Variants in ARHGEF11 observed in about 807,000 individuals in gnomAD.
The protein encoded by ARHGEF11 is Rho guanine nucleotide exchange factor 11.
ARHGEF11 carries 55 observed loss-of-function variants against 193.7 expected under a neutral mutation model. The ratio of observed to expected loss-of-function variants is 0.28; its 90% confidence interval spans 0.23 to 0.36. The LOEUF is 0.36. Among genes scored for constraint, ARHGEF11 ranks in the 10% least tolerant of loss-of-function variants. ARHGEF11 has a pLI of 1.00. For missense variants in ARHGEF11, 1,723 were observed against 2,005.6 expected (o/e 0.86, Z 2.69); for synonymous variants, 693 against 768.0 (o/e 0.90, Z 1.62).
intron 1 of ARHGEF11, among the ~76,000 whole-genome samples, chr1:156,996,615 T>A (rs537291308): frequency 6.6e-6 from 1 of 151,194 alleles, no homozygotes; most frequent in South Asian, 2.1e-4. Flanking sequence ...CTACTAAAAA[T>A]ACAAAAAATT....
intron 1 of ARHGEF11, among the ~76,000 whole-genome samples, chr1:156,994,620 T>G (rs996706290): frequency 4.6e-5 from 7 of 152,150 alleles, no homozygotes; most frequent in African/African-American, 1.7e-4. Flanking sequence ...GACAGGTGTG[T>G]GTGGAGAAGG....
intron 1 of ARHGEF11, among the ~76,000 whole-genome samples, chr1:157,017,557 A>G (rs971962122): frequency 2.0e-5 from 3 of 151,952 alleles, no homozygotes; most frequent in African/African-American, 7.3e-5. Flanking sequence ...AATACAAAAA[A>G]TTAGCCGGAC....
intron 1 of ARHGEF11, among the ~76,000 whole-genome samples, chr1:157,005,427 T>A (rs1297235998): frequency 6.6e-6 from 1 of 152,132 alleles, no homozygotes; most frequent in African/African-American, 2.4e-5. Context: ...AAATAGGAAG[T>A]GGACTTCAAC....
Position 156,947,854 on chromosome 1 carries a change from A to ATCTGGC in ARHGEF11, c.2250_2255dup (p.Glu750_Pro751dup). ...CCACTGTATGCTGCCAATTTTGGGC[A>ATCTGGC]TCTGGCTCTGGCTCCAGGTCAGACA... is the stretch of plus-strand genomic sequence containing the variant. On this transcript the variant is annotated inframe_insertion, in exon 25 of 41. Transcript: ENST00000368194. The ATCTGGC allele has an allele frequency of 1.2e-6, 2 of 1,614,134 alleles. No homozygotes were observed. Among genetic ancestry groups the ATCTGGC allele is most frequent in the South Asian group, 1.1e-5 (1 of 91,078 alleles).
Position 157,041,934 on chromosome 1 carries a change from A to G in ARHGEF11, c.32+2365T>C, listed in dbSNP as rs113699528. On this transcript the variant is annotated intron_variant, in intron 1 of 40. Transcript: ENST00000368194. ...CTTACACTAGGCTCTCTACACAGCA[A>G]ACTGATAAACTGAAAGAATACTAGA... Among the ~76,000 whole-genome samples the G allele has an allele frequency of 4.4e-3, 671 of 152,326 alleles. 4 individuals are homozygous for G. Among genetic ancestry groups the G allele is most frequent in the African/African-American group, 0.014 (591 of 41,556 alleles).
rs111847733 is a variant in ARHGEF11, at chr1:156,978,421, G to A, written c.332-39C>T. The A allele has an allele frequency of 1.5e-4, 238 of 1,543,298 alleles. No homozygotes were observed. In the Middle Eastern group the frequency reaches 1.7e-3, roughly 11 times the overall value. The stretch of plus-strand genomic sequence containing the variant: ...GAGAGAGACTTGTTCCAGGAGTGCT[G>A]TTCTGGAGAGACAGTCCAGCTATAC... On this transcript the variant is annotated intron_variant, in intron 5 of 40. Transcript: ENST00000368194.
Position 156,936,969 on chromosome 1 carries a change from G to C in ARHGEF11, c.4477C>G (p.Leu1493Val). 1 of 1,614,150 alleles carries C rather than the reference G, an allele frequency of 6.2e-7. No homozygotes were observed. Among genetic ancestry groups the C allele is most frequent in the Non-Finnish European group, 8.5e-7 (1 of 1,179,998 alleles). ...ELAHRELLKS[L>V]GGESSGGTTP... is the part of the protein sequence containing the mutation. ...GTGCCACCAGATGACTCTCCCCCAAGGGACTTGAGCAGCTCTCTGTGGGCC... is the reference window on the plus strand; with the variant it reads ...GTGCCACCAGATGACTCTCCCCCAACGGACTTGAGCAGCTCTCTGTGGGCC... Residue 1493 changes from leucine to valine, a missense_variant, in exon 40 of 41, where the codon CTT becomes GTT. Physicochemically the swap from Leu to Val is conservative, Grantham distance 32. Transcript: ENST00000368194.
At chr1:156,938,693 C>T in intron 37 of ARHGEF11, 180 bp from the exon 38 acceptor site, 1 of 522,098 alleles carries the variant, frequency 1.9e-6, no homozygotes, top group Non-Finnish European at 3.4e-6. Flanking sequence ...GAACTTTCCA[C>T]CAATTCACCG....
intron 1 of ARHGEF11, among the ~76,000 whole-genome samples, chr1:157,016,767 C>T (rs947771863): frequency 2.4e-4 from 37 of 151,886 alleles, no homozygotes; most frequent in African/African-American, 9.0e-4. Context: ...TCATCCTACT[C>T]TTGTTTGAAA....
chr1:157,036,034 T>TATATATATGAATCTATATATAGGA lies in ARHGEF11; in HGVS notation c.32+8264_32+8265insTCCTATATATAGATTCATATATAT, dbSNP rs1671956974. Among the ~76,000 whole-genome samples, 10 of 96,452 alleles carry TATATATATGAATCTATATATAGGA rather than the reference T, an allele frequency of 1.0e-4. 1 individual carries two copies. Among genetic ancestry groups the TATATATATGAATCTATATATAGGA allele is most frequent in the Admixed American group, 4.2e-4 (4 of 9,426 alleles). 63.3% of individuals were successfully genotyped at this position (96,452 alleles called of 152,430 possible). On this transcript the variant is annotated intron_variant, in intron 1 of 40. Transcript: ENST00000368194. ...ATATATATGAATCTATATATAGGAA[T>TATATATATGAATCTATATATAGGA]ATATATATGAATCTATATAGGAATA...
chr1:157,037,886 T>A (rs991330017), intron 1 of ARHGEF11, among the ~76,000 whole-genome samples: 3 of 151,550 alleles, frequency 2.0e-5, no homozygotes, highest in Non-Finnish European at 4.4e-5. Context: ...ACAAAAAGTA[T>A]ACCGGGTGTG....
Position 156,978,174 on chromosome 1 carries a change from G to A in ARHGEF11, c.510+30C>T, listed in dbSNP as rs753876587. On this transcript the variant is annotated intron_variant, in intron 6 of 40. Coordinates refer to ENST00000368194, the MANE Select transcript of ARHGEF11 (RefSeq NM_198236.3). ...CGGAGCTTTTCAACAGGACATTAGGGTGAGGAAAGAAAGCCAGGAGGATTA... is the reference window on the plus strand; with the variant it reads ...CGGAGCTTTTCAACAGGACATTAGGATGAGGAAAGAAAGCCAGGAGGATTA... 8.1e-6 allele frequency: 13 copies of A among 1,613,858 alleles called. No homozygotes were observed. The South Asian group carries it at 1.4e-4, about 18-fold the overall frequency.
At chr1:156,949,445 GTCT>G (rs2101969312) in intron 22 of ARHGEF11, among the ~76,000 whole-genome samples, 1 of 152,248 alleles carries the variant, frequency 6.6e-6, no homozygotes, top group Non-Finnish European at 1.5e-5. Flanking sequence ...GCCTGGAAAT[GTCT>G]GCAGAGCTCT....
intron 21 of ARHGEF11, 142 bp downstream of exon 21, chr1:156,954,750 T>C: frequency 2.6e-6 from 2 of 781,498 alleles, no homozygotes; most frequent in Non-Finnish European, 4.3e-6. Context: ...GAGCAACGCA[T>C]AAGAGAAATG....
intron 1 of ARHGEF11, among the ~76,000 whole-genome samples, chr1:157,022,741 G>A (rs1483729596): frequency 1.3e-5 from 2 of 152,028 alleles, no homozygotes; most frequent in Non-Finnish European, 2.9e-5. Flanking sequence ...CTCAAAGTTG[G>A]AGAACTCACA....
At chr1:157,033,314 GC>G (rs1391769920) in intron 1 of ARHGEF11, among the ~76,000 whole-genome samples, 3 of 151,772 alleles carry the variant, frequency 2.0e-5, no homozygotes, top group African/African-American at 7.3e-5. Flanking sequence ...TATCATCCTT[GC>G]CCCACACTCT....
chr1:156,960,418 C>A lies in ARHGEF11; in HGVS notation c.1282G>T (p.Asp428Tyr), dbSNP rs1660658029. Residue 428 changes from aspartate to tyrosine, a missense_variant and splice_region_variant, in exon 15 of 41, where the codon GAC (aspartate) becomes TAC (tyrosine). Around this residue, in one of 5 missense-constraint regions of ARHGEF11, gnomAD observed 646 missense variants for 710.7 expected, o/e 0.91. Coordinates refer to ENST00000368194, the MANE Select transcript of ARHGEF11 (RefSeq NM_198236.3). ...CTTACCGACCAATGAGCCAACTTAC[C>A]AATTTCAGCCTGTAGCATCTCAGGG... ...KIPEMLQAEI[D>Y]SRLRNSEDAR... The A allele has an allele frequency of 6.2e-7, 1 of 1,614,084 alleles. No individual in the cohort carries two copies. The highest frequency in any genetic ancestry group is 8.5e-7 in the Non-Finnish European group (1 of 1,180,004).
Position 157,044,415 on chromosome 1 carries a change from G to T in ARHGEF11, c.-85C>A. 7.5e-7 allele frequency: 1 copy of T among 1,332,814 alleles called. No homozygotes were observed. 82.6% of individuals were successfully genotyped at this position (1,332,814 alleles called of 1,614,324 possible). A position where few individuals can be genotyped will look rare whatever the true frequency, so the allele number is the denominator to read the frequency against. On this transcript the variant is annotated 5_prime_UTR_variant, in exon 1 of 41. Transcript: ENST00000368194. ...GAATCGCTTGCAATTTTTGAGCAAG[G>T]TGAGAGGAGGGCCTCCCAACTTGAA...
At chr1:157,024,852 C>G (rs1670453162) in intron 1 of ARHGEF11, among the ~76,000 whole-genome samples, 1 of 152,174 alleles carries the variant, frequency 6.6e-6, no homozygotes, top group Non-Finnish European at 1.5e-5. Context: ...GACTAGACTA[C>G]TGTAATAGCT....
Sources: gnomAD v4.1 joint callset for allele counts (sites outside exome capture counted in the v4.1 genomes callset) on GRCh38, gnomAD v4.1.1 for gene constraint, gnomAD v4.1.1 regional missense constraint, MANE v1.5 for transcripts, NCBI Gene and HGNC (gene_info 2026-07-23, HGNC 2026-07-21) for gene names.